STMN4: variants seen among roughly 807,000 people sequenced by gnomAD.
STMN4 encodes stathmin-4.
STMN4 carries 12 observed loss-of-function variants against 29.1 expected under a neutral mutation model. The observed-to-expected ratio is 0.41, with a 90% CI of 0.26 to 0.67. The LOEUF (loss-of-function observed/expected upper bound fraction) is 0.67. Ranked by LOEUF, STMN4 falls within the 30% of genes least tolerant of loss-of-function variation. The probability of loss-of-function intolerance (pLI) is 0.30; values close to 1 mark genes in which losing one functional copy is unlikely to be tolerated. For synonymous variants in STMN4, 114 were observed against 105.3 expected (o/e 1.08, Z -0.51); for missense variants, 181 against 262.8 (o/e 0.69, Z 2.15).
At chr8:27,248,640 G>C (rs569924205) in intron 1 of STMN4, among the ~76,000 whole-genome samples, 6 of 152,156 alleles carry the variant, frequency 3.9e-5, no homozygotes, top group Non-Finnish European at 7.3e-5. Flanking sequence ...GGAAAAGCAC[G>C]GCTGTTATCT....
Position 27,236,499 on chromosome 8 carries a change from A to G in STMN4, c.*347T>C, listed in dbSNP as rs1801313499. On this transcript the variant is annotated 3_prime_UTR_variant, in exon 7 of 7. Coordinates refer to ENST00000350889, the MANE Select transcript of STMN4 (RefSeq NM_030795.4). ...CTGAAGTTCTACCGCCCTGGTTTTC[A>G]TCTCTCCTCAACATGGTGCCTGGAG... 5.8e-6 allele frequency: 1 copy of G among 172,442 alleles called. No individual in the cohort carries two copies. The highest frequency in any genetic ancestry group is 1.2e-5 in the Non-Finnish European group (1 of 81,540). The allele number at this position is 172,442 out of a possible 1,614,324, so 10.7% of individuals were successfully genotyped here.
chr8:27,257,459 A>AACACACACAC lies in STMN4; in HGVS notation c.-79+882_-79+891dup, dbSNP rs59516183. Among the ~76,000 whole-genome samples the AACACACACAC allele has an allele frequency of 6.5e-3, 889 of 137,794 alleles. 14 individuals carry two copies. Among genetic ancestry groups the AACACACACAC allele is most frequent in the East Asian group, 0.018 (84 of 4,602 alleles). The allele number at this position is 137,794 out of a possible 152,430, so 90.4% of individuals were successfully genotyped here. Reference sequence around the variant, plus strand: ...GACCTCTCCCTCCGACCCCCATACAAACACACACACACACACACACACACA... The same window carrying AACACACACAC: ...GACCTCTCCCTCCGACCCCCATACAAACACACACACACACACACACACACACACACACACA... On this transcript the variant is annotated intron_variant, in intron 1 of 6. Transcript: ENST00000350889.
intron 2 of STMN4, among the ~76,000 whole-genome samples, chr8:27,243,395 C>T (rs570287265): frequency 2.0e-4 from 31 of 152,144 alleles, no homozygotes; most frequent in Admixed American, 1.1e-3. Context: ...TTTGAAAATA[C>T]GTGTAACTGC....
At chr8:27,243,909 C>A in intron 1 of STMN4, 108 bp from the exon 2 acceptor site, 1 of 1,023,612 alleles carries the variant, frequency 9.8e-7, no homozygotes, top group African/African-American at 1.6e-5. Flanking sequence ...ACCTCATTTG[C>A]TCTTCCTCCA....
At position 27,238,830 on chromosome 8, in the gene STMN4, G is replaced by T. The variant is rs542711263; in HGVS notation, c.591+1141C>A. Among the ~76,000 whole-genome samples the T allele has an allele frequency of 2.6e-5, 4 of 152,342 alleles. No homozygotes were observed. In the South Asian group the frequency reaches 8.3e-4, roughly 32 times the overall value. On this transcript the variant is annotated intron_variant, in intron 6 of 6. Transcript: ENST00000350889. Reference sequence around the variant, plus strand: ...TCAGGGACTTGTTGTGAGGATAGTGGCGAGAGGAAATGAAAGTATTTTGCA... The same window carrying T: ...TCAGGGACTTGTTGTGAGGATAGTGTCGAGAGGAAATGAAAGTATTTTGCA...
At chr8:27,238,563 C>T (rs905625001) in intron 6 of STMN4, among the ~76,000 whole-genome samples, 1 of 152,240 alleles carries the variant, frequency 6.6e-6, no homozygotes, top group Non-Finnish European at 1.5e-5. Context: ...GGTGAGCTCA[C>T]TGGGCAGAGC....
In STMN4 at chr8:27,235,615, T is replaced by C. The variant is rs1413371011; in HGVS notation, c.*1231A>G. The stretch of plus-strand genomic sequence containing the variant: ...CCCAAAGCATGGAGGACTTCTGCTA[T>C]GGTGTGAATGTTGCTGTCTCCCCCA... On this transcript the variant is annotated 3_prime_UTR_variant, in exon 7 of 7. Transcript: ENST00000350889. The C allele has an allele frequency of 6.6e-6, 1 of 152,256 alleles. No individual in the cohort carries two copies. The highest frequency in any genetic ancestry group is 1.5e-5 in the Non-Finnish European group (1 of 68,070). 9.4% of individuals were successfully genotyped at this position (152,256 alleles called of 1,614,324 possible). A position where few individuals can be genotyped will look rare whatever the true frequency, so the allele number is the denominator to read the frequency against.
At chr8:27,255,155 T>TCA (rs1801905713) in intron 1 of STMN4, among the ~76,000 whole-genome samples, 1 of 152,192 alleles carries the variant, frequency 6.6e-6, no homozygotes, top group African/African-American at 2.4e-5. Context: ...TCCCAGGCTG[T>TCA]CACATCTCTA....
At chr8:27,253,885 C>A (rs192823299) in intron 1 of STMN4, among the ~76,000 whole-genome samples, 1 of 151,990 alleles carries the variant, frequency 6.6e-6, no homozygotes, top group Non-Finnish European at 1.5e-5. Context: ...CGGGTTCAAG[C>A]GATTCTCCTG....
Position 27,243,774 on chromosome 8 carries a change from G to A in STMN4, c.-51C>T, listed in dbSNP as rs773900559. On this transcript the variant is annotated 5_prime_UTR_variant, in exon 2 of 7. Transcript: ENST00000350889. ...TAGCTGAAAGTTACAGAGTGGGTCTGTCACCAGCTTGGGACGCTGTCACCA... is the reference window on the plus strand; with the variant it reads ...TAGCTGAAAGTTACAGAGTGGGTCTATCACCAGCTTGGGACGCTGTCACCA... The A allele has an allele frequency of 6.2e-7, 1 of 1,614,166 alleles. No homozygotes were observed. The highest frequency in any genetic ancestry group is 1.7e-5 in the Admixed American group (1 of 60,026).
At chr8:27,241,980 C>G in intron 3 of STMN4, 1 of 602,164 alleles carries the variant, frequency 1.7e-6, no homozygotes, top group Non-Finnish European at 3.0e-6. Context: ...CTCTTCCCAC[C>G]TCTGGACTCT....
chr8:27,246,611 T>C (rs1001436274), intron 1 of STMN4, among the ~76,000 whole-genome samples: 6 of 152,190 alleles, frequency 3.9e-5, no homozygotes, highest in African/African-American at 1.4e-4. Flanking sequence ...CATTCCTGCT[T>C]GCCTGAGAAA....
rs1484854548 is a variant in STMN4, at chr8:27,239,874, G to T, written c.591+97C>A. On this transcript the variant is annotated intron_variant, in intron 6 of 6. Transcript: ENST00000350889. ...AAGATCCTGATTTTTGCCTGAGGCT[G>T]CTTCCTCCCTGAGATGATCAGCAGG... The T allele has an allele frequency of 2.5e-6, 4 of 1,595,568 alleles. No individual in the cohort carries two copies. In the African/African-American group the frequency reaches 4.0e-5, roughly 16 times the overall value.
chr8:27,241,177 T>C lies in STMN4; in HGVS notation c.276A>G (p.Glu92=). 1.2e-6 allele frequency: 2 copies of C among 1,614,240 alleles called. No homozygotes were observed. Among genetic ancestry groups the C allele is most frequent in the Non-Finnish European group, 1.7e-6 (2 of 1,180,046 alleles). Residue 92 remains glutamate (E), a synonymous_variant, in exon 5 of 7, where the codon GAA becomes GAG. Coordinates refer to ENST00000350889, the MANE Select transcript of STMN4 (RefSeq NM_030795.4). ...CAAAGGAGGGTGGCTTCAGGATGAC[T>C]TCAAAGGATTGGCCCGAGGTGCATT... is the stretch of plus-strand genomic sequence containing the variant. ...LNKCTSGQSF[E]VILKPPSFDG...
intron 1 of STMN4, among the ~76,000 whole-genome samples, 190 bp downstream of exon 1, chr8:27,258,161 C>T (rs1200688025): frequency 6.6e-6 from 1 of 152,222 alleles, no homozygotes; most frequent in African/African-American, 2.4e-5. Context: ...CCACCCTCAC[C>T]CCTTGGCCGA....
intron 1 of STMN4, among the ~76,000 whole-genome samples, chr8:27,255,607 CTT>C (rs1801917890): frequency 6.6e-6 from 1 of 152,212 alleles, no homozygotes; most frequent in Non-Finnish European, 1.5e-5. Flanking sequence ...TTATCTCTCT[CTT>C]ACCTTCCTAA....
rs1801322812 is a variant in STMN4 at position 27,236,824 on chromosome 8, A to G, written c.*22T>C. On this transcript the variant is annotated 3_prime_UTR_variant, in exon 7 of 7. Transcript: ENST00000350889. ...TGCTGGAGCTGTCCGGCTGACCTGGAAAGTTCTTTGGCCTCTAGGCTTTAC... is the reference window on the plus strand; with the variant it reads ...TGCTGGAGCTGTCCGGCTGACCTGGGAAGTTCTTTGGCCTCTAGGCTTTAC... 1.3e-6 allele frequency: 2 copies of G among 1,587,418 alleles called. No individual in the cohort carries two copies. Among genetic ancestry groups the G allele is most frequent in the Non-Finnish European group, 1.7e-6 (2 of 1,168,832 alleles).
At chr8:27,256,833 C>T (rs1018238140) in intron 1 of STMN4, among the ~76,000 whole-genome samples, 6 of 152,150 alleles carry the variant, frequency 3.9e-5, no homozygotes, top group Admixed American at 1.3e-4. Context: ...TCCTCTAAAG[C>T]CTCCCTGCTG....
intron 1 of STMN4, among the ~76,000 whole-genome samples, chr8:27,244,752 G>A (rs930659342): frequency 6.6e-6 from 1 of 152,202 alleles, no homozygotes; most frequent in African/African-American, 2.4e-5. Flanking sequence ...AAAGAGGAGG[G>A]GGCGGGGCAG....
Sources: allele counts gnomAD v4.1 joint callset (sites outside exome capture counted in the v4.1 genomes callset), GRCh38; gene constraint gnomAD v4.1.1; transcripts MANE v1.5; gene names NCBI Gene and HGNC (gene_info 2026-07-23, HGNC 2026-07-21).